The following RBMS1 variants were observed in gnomAD, a reference collection of about 807,000 sequenced individuals.
The protein encoded by RBMS1 is RNA binding motif single stranded interacting protein 1.
RBMS1 carries 17 observed loss-of-function variants against 62.3 expected under a neutral mutation model. The ratio of observed to expected loss-of-function variants is 0.27; its 90% CI spans 0.19 to 0.41. RBMS1 has a LOEUF of 0.41. RBMS1 is among the 10% of genes least tolerant of loss of function. The pLI is 1.00. For missense variants in RBMS1, 334 were observed against 504.5 expected, an observed-to-expected ratio of 0.66 and a Z score of 3.24; for synonymous variants, 172 against 170.0, an observed-to-expected ratio of 1.01 and a Z score of -0.09.
At chr2:160,426,294 G>GAA (rs1256947237) in intron 1 of RBMS1, among the ~76,000 whole-genome samples, 2 of 66,124 alleles carry the variant, frequency 3.0e-5, no homozygotes, top group Non-Finnish European at 5.9e-5. Flanking sequence ...AGAAAGAAAA[G>GAA]AAAGAAGGAA....
At chr2:160,465,545 G>GT (rs1684652030) in intron 1 of RBMS1, among the ~76,000 whole-genome samples, 1 of 152,074 alleles carries the variant, frequency 6.6e-6, no homozygotes, top group African/African-American at 2.4e-5. Context: ...TCTTACTCAG[G>GT]TAAGAAAAGG....
At chr2:160,439,924 G>C (rs917388159) in intron 1 of RBMS1, among the ~76,000 whole-genome samples, 1 of 151,970 alleles carries the variant, frequency 6.6e-6, no homozygotes, top group Non-Finnish European at 1.5e-5. Context: ...GCGTGGCGGC[G>C]CGCGCCTGCA....
intron 2 of RBMS1, among the ~76,000 whole-genome samples, chr2:160,362,427 C>A (rs183333939): frequency 6.6e-6 from 1 of 152,248 alleles, no homozygotes; most frequent in Admixed American, 6.5e-5. Context: ...TTCACTTGAA[C>A]ACTTGGAGGC....
At chr2:160,435,394 T>A (rs755255365) in intron 1 of RBMS1, among the ~76,000 whole-genome samples, 124 of 152,236 alleles carry the variant, frequency 8.1e-4, no homozygotes, top group Non-Finnish European at 1.3e-3. Flanking sequence ...TTTTATAGAT[T>A]AAAAGAAAGG....
chr2:160,362,335 G>C (rs998491076), intron 2 of RBMS1, among the ~76,000 whole-genome samples: 1 of 152,184 alleles, frequency 6.6e-6, no homozygotes, highest in African/African-American at 2.4e-5. Flanking sequence ...GCCTGTCTCG[G>C]CATTTGGCAT....
At chr2:160,478,100 T>C (rs1486497779) in intron 1 of RBMS1, among the ~76,000 whole-genome samples, 1 of 152,228 alleles carries the variant, frequency 6.6e-6, no homozygotes, top group Non-Finnish European at 1.5e-5. Flanking sequence ...CTCCCCATTC[T>C]TAAAACACAC....
chr2:160,275,774 C>G, intron 12 of RBMS1, 60 bp from the exon 13 acceptor site: 1 of 1,609,396 alleles, frequency 6.2e-7, no homozygotes, highest in East Asian at 2.2e-5. Context: ...AGCTCTGCTA[C>G]TTAGGCCTGA....
intron 1 of RBMS1, among the ~76,000 whole-genome samples, chr2:160,457,806 G>A (rs1353241447): frequency 6.6e-6 from 1 of 152,084 alleles, no homozygotes; most frequent in African/African-American, 2.4e-5. Context: ...TTCACACATC[G>A]TGTGACTTTC....
At chr2:160,362,261 G>A (rs1210316333) in intron 2 of RBMS1, among the ~76,000 whole-genome samples, 1 of 152,212 alleles carries the variant, frequency 6.6e-6, no homozygotes, top group Non-Finnish European at 1.5e-5. Flanking sequence ...TCACTGGAGT[G>A]GCACTCTGAA....
intron 6 of RBMS1, among the ~76,000 whole-genome samples, chr2:160,300,413 G>C (rs955599484): frequency 7.9e-5 from 12 of 152,194 alleles, no homozygotes; most frequent in African/African-American, 2.9e-4. Flanking sequence ...ATCAAAAGAG[G>C]AGTGAATTGC....
chr2:160,431,412 C>T (rs1199385053), intron 1 of RBMS1, among the ~76,000 whole-genome samples: 1 of 151,856 alleles, frequency 6.6e-6, no homozygotes, highest in Admixed American at 6.5e-5. Flanking sequence ...TCGTTTCCCA[C>T]AGCAGTCACA....
chr2:160,483,841 C>T (rs1685470529), intron 1 of RBMS1, among the ~76,000 whole-genome samples: 1 of 152,072 alleles, frequency 6.6e-6, no homozygotes, highest in East Asian at 1.9e-4. Flanking sequence ...CTCATGCCAC[C>T]CAAGCCCACT....
intron 1 of RBMS1, among the ~76,000 whole-genome samples, chr2:160,464,431 G>A (rs889146724): frequency 3.3e-5 from 5 of 152,150 alleles, no homozygotes; most frequent in African/African-American, 7.2e-5. Context: ...ACAGTTGTAC[G>A]TATTTTTTAT....
intron 1 of RBMS1, among the ~76,000 whole-genome samples, chr2:160,386,336 G>A (rs1183874884): frequency 6.6e-6 from 1 of 152,152 alleles, no homozygotes; most frequent in Non-Finnish European, 1.5e-5. Context: ...AAGAGTTCGA[G>A]ACCAGCCTGA....
chr2:160,316,137 C>T (rs750827830), intron 3 of RBMS1, among the ~76,000 whole-genome samples: 7 of 152,128 alleles, frequency 4.6e-5, no homozygotes, highest in Admixed American at 3.3e-4. Context: ...CTACCTATCA[C>T]GTCAAGTTAT....
intron 1 of RBMS1, among the ~76,000 whole-genome samples, chr2:160,412,773 C>G (rs998726565): frequency 6.6e-6 from 1 of 152,172 alleles, no homozygotes; most frequent in Non-Finnish European, 1.5e-5. Flanking sequence ...CAGAAAGAAG[C>G]ATTGTGCAGA....
At chr2:160,470,441 G>A (rs1033872638) in intron 1 of RBMS1, among the ~76,000 whole-genome samples, 7 of 151,950 alleles carry the variant, frequency 4.6e-5, no homozygotes, top group Non-Finnish European at 1.0e-4. Context: ...CTAGAACAGT[G>A]CCCATCACAT....
At chr2:160,407,802 G>C (rs917745514) in intron 1 of RBMS1, 14 of 981,294 alleles carry the variant, frequency 1.4e-5, no homozygotes, top group Non-Finnish European at 1.7e-5. Context: ...TGCCATGGAC[G>C]GGAGTTCGCG....
intron 2 of RBMS1, among the ~76,000 whole-genome samples, chr2:160,360,573 A>G (rs894635566): frequency 5.3e-5 from 8 of 152,168 alleles, no homozygotes; most frequent in African/African-American, 1.9e-4. Context: ...ACCCCGGGTA[A>G]CTAACAACTG....
Sources: allele counts gnomAD v4.1 joint callset (sites outside exome capture counted in the v4.1 genomes callset), GRCh38; gene constraint gnomAD v4.1.1; transcripts MANE v1.5; gene names NCBI Gene and HGNC (gene_info 2026-07-23, HGNC 2026-07-21).